Variants in UBASH3A observed in about 807,000 individuals in gnomAD.
UBASH3A encodes the protein ubiquitin associated and SH3 domain containing A.
A neutral mutation model predicts 73.5 loss-of-function variants in UBASH3A; 63 were observed. The ratio of observed to expected loss-of-function variants is 0.86; its 90% confidence interval spans 0.70 to 1.06. The LOEUF is 1.06. Among genes scored for constraint, UBASH3A ranks in the 50% least tolerant of loss-of-function variants. UBASH3A has a pLI of 0.00. For synonymous variants in UBASH3A, 363 were observed against 351.1 expected (o/e 1.03, Z -0.38); for missense variants, 860 against 859.0 (o/e 1.00, Z -0.02).
intron 7 of UBASH3A, among the ~76,000 whole-genome samples, chr21:42,424,893 GAC>G (rs1418223519): frequency 6.6e-6 from 1 of 152,168 alleles, no homozygotes; most frequent in Non-Finnish European, 1.5e-5. Context: ...TGAGGACACA[GAC>G]ACACACAGAG....
At chr21:42,420,022 A>G (rs1426116898) in intron 7 of UBASH3A, among the ~76,000 whole-genome samples, 1 of 152,192 alleles carries the variant, frequency 6.6e-6, no homozygotes, top group Non-Finnish European at 1.5e-5. Flanking sequence ...CTGAAGTTGA[A>G]GAACATCCAC....
intron 8 of UBASH3A, among the ~76,000 whole-genome samples, chr21:42,427,044 G>C (rs111965668): frequency 1.3e-5 from 2 of 152,152 alleles, no homozygotes; most frequent in African/African-American, 4.8e-5. Context: ...CTTCATGGCA[G>C]AGTGCCCCAC....
chr21:42,434,328 G>C (rs1568933147), intron 9 of UBASH3A, among the ~76,000 whole-genome samples: 1 of 138,496 alleles, frequency 7.2e-6, no homozygotes. Flanking sequence ...AGCCTCTGGT[G>C]GGAGACAGTC....
intron 13 of UBASH3A, 125 bp from the exon 14 acceptor site, chr21:42,444,409 G>A (rs4920104): frequency 0.57 from 416,495 of 730,370 alleles, 120,961 homozygotes; most frequent in Admixed American, 0.63. Flanking sequence ...CTTCTAGCCC[G>A]GGGGTCTCGC....
At chr21:42,442,147 C>T (rs932194634) in intron 11 of UBASH3A, among the ~76,000 whole-genome samples, 6 of 152,236 alleles carry the variant, frequency 3.9e-5, no homozygotes, top group Middle Eastern at 3.4e-3. Flanking sequence ...GCTGGGTGAT[C>T]AGGTGAGCCC....
At chr21:42,427,601 C>A (rs1427416193) in intron 8 of UBASH3A, among the ~76,000 whole-genome samples, 2 of 152,190 alleles carry the variant, frequency 1.3e-5, no homozygotes. Context: ...AAAACTGGGG[C>A]TCATGGAGGC....
At chr21:42,422,366 T>G (rs1360431051) in intron 7 of UBASH3A, among the ~76,000 whole-genome samples, 1 of 152,234 alleles carries the variant, frequency 6.6e-6, no homozygotes, top group Non-Finnish European at 1.5e-5. Context: ...CATCACCCCC[T>G]GTGCCTGGCT....
intron 9 of UBASH3A, among the ~76,000 whole-genome samples, chr21:42,432,568 G>A (rs1180747808): frequency 6.6e-6 from 1 of 152,186 alleles, no homozygotes; most frequent in Non-Finnish European, 1.5e-5. Flanking sequence ...GCCAACCTCT[G>A]TATTGATGAT....
rs2146621172 is a variant in UBASH3A, at chr21:42,447,357, G to A, written c.*163G>A. 2.6e-6 allele frequency: 2 copies of A among 770,718 alleles called. No individual in the cohort carries two copies. Among genetic ancestry groups the A allele is most frequent in the Non-Finnish European group, 4.0e-6 (2 of 503,304 alleles). 47.7% of individuals were successfully genotyped at this position (770,718 alleles called of 1,614,324 possible). ...CCCGGAATATTTCCCTCCGGCTTTC[G>A]CCTTTGTAACTCCCATCTGTGGACC... On this transcript the variant is annotated 3_prime_UTR_variant, in exon 15 of 15. Coordinates refer to ENST00000319294, the MANE Select transcript of UBASH3A (RefSeq NM_018961.4).
At chr21:42,431,108 G>T (rs189695735) in intron 8 of UBASH3A, among the ~76,000 whole-genome samples, 7 of 152,202 alleles carry the variant, frequency 4.6e-5, no homozygotes, top group Middle Eastern at 3.2e-3. Flanking sequence ...CTGGTCCCAG[G>T]GGGGGCATCC....
At chr21:42,442,307 G>T (rs1336815394) in intron 11 of UBASH3A, 145 bp from the exon 12 acceptor site, 1 of 859,790 alleles carries the variant, frequency 1.2e-6, no homozygotes, top group Non-Finnish European at 1.8e-6. Flanking sequence ...ATCACAGAAC[G>T]GTATTTGCCA....
Position 42,416,954 on chromosome 21 carries a change from G to C in UBASH3A, c.837+343G>C, listed in dbSNP as rs1028231480. 5.9e-5 allele frequency among the ~76,000 whole-genome samples: 9 copies of C among 151,720 alleles called. No homozygotes were observed. In the East Asian group the frequency reaches 1.8e-3, roughly 30 times the overall value. On this transcript the variant is annotated intron_variant, in intron 6 of 14. Transcript: ENST00000319294. The stretch of plus-strand genomic sequence containing the variant: ...CAAAAAAAGAAGCAGATGAGTGAAC[G>C]GCCACTCACCTGACAGCATGTACCC...
At chr21:42,434,397 G>T (rs73372276) in intron 9 of UBASH3A, among the ~76,000 whole-genome samples, 2,596 of 152,226 alleles carry the variant, frequency 0.017, 72 homozygotes, top group African/African-American at 0.059. Context: ...CACAACACAG[G>T]CATCTCCAGC....
At chr21:42,426,315 G>A (rs2053433670) in intron 7 of UBASH3A, among the ~76,000 whole-genome samples, 2 of 152,200 alleles carry the variant, frequency 1.3e-5, no homozygotes, top group South Asian at 4.1e-4. Flanking sequence ...CCAGCACCAT[G>A]GAGTCCAACA....
rs776524054 is a variant in UBASH3A, at chr21:42,413,543, C to G, written c.667+20C>G. 2 of 1,561,534 alleles carry G rather than the reference C, an allele frequency of 1.3e-6. No individual in the cohort carries two copies. The highest frequency in any genetic ancestry group is 3.4e-5 in the Admixed American group (2 of 58,834). ...AAAAATGTAAGCCATTAGAAAGCTT[C>G]CGGACCAGCTTTGGTCTTCTCTTTA... On this transcript the variant is annotated intron_variant, in intron 5 of 14. Coordinates refer to ENST00000319294, the MANE Select transcript of UBASH3A (RefSeq NM_018961.4). The surrounding 1 kb of genome is among the most constrained non-coding windows in gnomAD (Gnocchi z 4.5).
Position 42,418,411 on chromosome 21 carries a change from C to T in UBASH3A, c.848C>T (p.Ala283Val). The T allele has an allele frequency of 6.2e-7, 1 of 1,613,700 alleles. No individual in the cohort carries two copies. The highest frequency in any genetic ancestry group is 8.5e-7 in the Non-Finnish European group (1 of 1,179,634). ...MRFVHYQTLR[A>V]LFQYKPQNVD... The stretch of plus-strand genomic sequence containing the variant: ...TTGCCTCTTTTCTAGACCCTGAGAG[C>T]CCTATTCCAGTACAAACCCCAGAAC... Residue 283 changes from alanine (A) to valine (V), a missense_variant, in exon 7 of 15, where the codon GCC (alanine) becomes GTC (valine). Transcript: ENST00000319294.
intron 2 of UBASH3A, 86 bp downstream of exon 2, chr21:42,406,447 A>G: frequency 2.5e-6 from 3 of 1,205,038 alleles, no homozygotes; most frequent in South Asian, 1.2e-5. Flanking sequence ...GGCTGATACC[A>G]GGAAGAGCCG....
chr21:42,413,201 A>C lies in UBASH3A; in HGVS notation c.532A>C (p.Thr178Pro). ...CCGGGAATTCGCCATGACCTTCGCC[A>C]CGGAAGCATCTCTCTTAGCAGGTGG... ...VIREFAMTFATEASLLAGTSV... is the reference protein window; with the variant it reads ...VIREFAMTFAPEASLLAGTSV... The change falls in exon 4 of 15, where the codon ACG becomes CCG. Residue 178 changes from threonine to proline, a missense_variant. Physicochemically the swap from Thr to Pro is conservative, Grantham distance 38. Coordinates refer to ENST00000319294, the MANE Select transcript of UBASH3A (RefSeq NM_018961.4). This position sits in a 1 kb window ranked among gnomAD's most constrained non-coding sequence, Gnocchi z 4.5. 6.2e-7 allele frequency: 1 copy of C among 1,614,202 alleles called. No homozygotes were observed. The highest frequency in any genetic ancestry group is 8.5e-7 in the Non-Finnish European group (1 of 1,180,042).
chr21:42,437,745 T>C, intron 11 of UBASH3A, 165 bp downstream of exon 11: 1 of 665,688 alleles, frequency 1.5e-6, no homozygotes, highest in East Asian at 2.7e-5. Context: ...CTGGCAGGCA[T>C]GCTGGGTCCG....
Sources: allele counts gnomAD v4.1 joint callset (sites outside exome capture counted in the v4.1 genomes callset), GRCh38; gene constraint gnomAD v4.1.1; non-coding constraint Gnocchi (gnomAD v3.1); transcripts MANE v1.5; gene names NCBI Gene and HGNC (gene_info 2026-07-23, HGNC 2026-07-21).